The following RPH3A variants were observed in gnomAD, a reference collection of about 807,000 sequenced individuals.
RPH3A encodes rabphilin-3A.
A neutral mutation model predicts 102.2 loss-of-function variants in RPH3A; 48 were observed. The ratio of observed to expected loss-of-function variants is 0.47; its 90% CI spans 0.37 to 0.60. The LOEUF is 0.60. RPH3A is among the 20% of genes least tolerant of loss of function. The pLI is 0.00. For synonymous variants in RPH3A, 310 were observed against 324.3 expected (o/e 0.96, Z 0.47); for missense variants, 781 against 910.1 (o/e 0.86, Z 1.83).
At chr12:112,671,300 A>T (rs1406802445) in intron 1 of RPH3A, among the ~76,000 whole-genome samples, 1 of 152,206 alleles carries the variant, frequency 6.6e-6, no homozygotes, top group Non-Finnish European at 1.5e-5. Context: ...TTAGCGTGGT[A>T]ATTTCCCAAT....
chr12:112,634,765 A>C (rs1041614040), intron 1 of RPH3A, among the ~76,000 whole-genome samples: 1 of 152,170 alleles, frequency 6.6e-6, no homozygotes, highest in East Asian at 1.9e-4. Flanking sequence ...CCTCTTTTCC[A>C]TCTTTTTCAA....
chr12:112,798,764 CT>C (rs1350965871), intron 2 of RPH3A, among the ~76,000 whole-genome samples: 6 of 152,060 alleles, frequency 3.9e-5, no homozygotes, highest in South Asian at 2.1e-4. Flanking sequence ...TTCCCTGCCC[CT>C]GTCTCCTTAC....
intron 2 of RPH3A, among the ~76,000 whole-genome samples, chr12:112,797,503 G>A (rs2041255634): frequency 6.6e-6 from 1 of 152,076 alleles, no homozygotes; most frequent in Non-Finnish European, 1.5e-5. Context: ...ACAGGAGTGT[G>A]ACCTGGATTT....
intron 1 of RPH3A, among the ~76,000 whole-genome samples, chr12:112,609,886 C>T (rs745526726): frequency 2.0e-5 from 3 of 152,208 alleles, no homozygotes; most frequent in Non-Finnish European, 4.4e-5. Flanking sequence ...GAGCAGCTAA[C>T]GTAGCTCCCA....
At chr12:112,836,594 G>A in intron 4 of RPH3A, 92 bp downstream of exon 4, 1 of 501,414 alleles carries the variant, frequency 2.0e-6, no homozygotes, top group Non-Finnish European at 3.2e-6. Context: ...AAAGAGAGAT[G>A]GTTAAAAAAG....
Position 112,642,719 on chromosome 12 carries a change from A to AAAT in RPH3A, c.-140+67416_-140+67418dup, listed in dbSNP as rs376449920. The stretch of plus-strand genomic sequence containing the variant: ...AAATGTTGTTAAGGCAGATGATAGT[A>AAAT]AATAATAATAATAATAATCCACTCA... On this transcript the variant is annotated intron_variant, in intron 1 of 21. Transcript: ENST00000543106. 2.0e-5 allele frequency among the ~76,000 whole-genome samples: 3 copies of AAAT among 152,168 alleles called. No individual in the cohort carries two copies. The South Asian group carries it at 6.2e-4, about 32-fold the overall frequency.
chr12:112,858,236 C>T lies in RPH3A; in HGVS notation c.231-7178C>T, dbSNP rs144470789. On this transcript the variant is annotated intron_variant, in intron 5 of 21. Transcript: ENST00000389385. ...GAGCTATGATCAAGCCACTGCACTCCGGCCTGGGTGACAGAGTCAGACCCT... is the reference window on the plus strand; with the variant it reads ...GAGCTATGATCAAGCCACTGCACTCTGGCCTGGGTGACAGAGTCAGACCCT... 6.3e-4 allele frequency among the ~76,000 whole-genome samples: 88 copies of T among 139,622 alleles called. No individual in the cohort carries two copies. In the East Asian group the frequency reaches 0.015, roughly 24 times the overall value. The allele number at this position is 139,622 out of a possible 152,430, so 91.6% of individuals were successfully genotyped here.
chr12:112,825,879 G>A (rs188035043), intron 2 of RPH3A, among the ~76,000 whole-genome samples: 48 of 152,202 alleles, frequency 3.2e-4, no homozygotes, highest in African/African-American at 1.1e-3. Context: ...ATGGAGAAGC[G>A]GGAGGAGGAA....
At chr12:112,858,311 GA>G (rs1236913152) in intron 5 of RPH3A, among the ~76,000 whole-genome samples, 6 of 98,654 alleles carry the variant, frequency 6.1e-5, no homozygotes, top group African/African-American at 7.3e-5. Flanking sequence ...AAAAGAAAAA[GA>G]AAAAAAAAGG....
intron 2 of RPH3A, among the ~76,000 whole-genome samples, chr12:112,825,416 T>C (rs2041850029): frequency 6.6e-6 from 1 of 152,128 alleles, no homozygotes; most frequent in African/African-American, 2.4e-5. Flanking sequence ...CCTCCCAAGT[T>C]ATCTATTCAG....
At chr12:112,799,733 C>T (rs1301090758) in intron 2 of RPH3A, among the ~76,000 whole-genome samples, 3 of 152,176 alleles carry the variant, frequency 2.0e-5, no homozygotes, top group South Asian at 2.1e-4. Flanking sequence ...GCTAGTTATT[C>T]GCTCATTGGT....
chr12:112,894,430 T>A (rs2043147355), intron 19 of RPH3A, 148 bp from the exon 20 acceptor site: 2 of 716,852 alleles, frequency 2.8e-6, no homozygotes, highest in South Asian at 1.7e-5. Flanking sequence ...ACCAAGCAGA[T>A]GCTCTAATGC....
At chr12:112,804,321 T>G (rs1202978972) in intron 2 of RPH3A, among the ~76,000 whole-genome samples, 1 of 152,176 alleles carries the variant, frequency 6.6e-6, no homozygotes, top group African/African-American at 2.4e-5. Context: ...CTCAGGATCC[T>G]TCCCGGTGGA....
At chr12:112,875,789 C>A in intron 12 of RPH3A, 48 bp downstream of exon 12, 1 of 1,555,680 alleles carries the variant, frequency 6.4e-7, no homozygotes, top group Non-Finnish European at 8.9e-7. Flanking sequence ...CACCTCTCCC[C>A]TACCTCCCTG....
At chr12:112,600,843 T>C (rs886810913) in intron 1 of RPH3A, among the ~76,000 whole-genome samples, 9 of 152,210 alleles carry the variant, frequency 5.9e-5, no homozygotes, top group African/African-American at 9.6e-5. Flanking sequence ...CAAGACTTGA[T>C]AATTTATAAA....
At chr12:112,619,711 CT>C (rs909050521) in intron 1 of RPH3A, among the ~76,000 whole-genome samples, 3 of 151,214 alleles carry the variant, frequency 2.0e-5, no homozygotes, top group Admixed American at 6.6e-5. Flanking sequence ...TTGTTATTGT[CT>C]TTTTTTTTGA....
intron 1 of RPH3A, among the ~76,000 whole-genome samples, chr12:112,720,219 T>C (rs557407524): frequency 1.8e-4 from 28 of 152,238 alleles, no homozygotes; most frequent in Non-Finnish European, 2.8e-4. Flanking sequence ...TGCATGTGTA[T>C]GTGTGTCTTT....
At chr12:112,651,668 A>G (rs188190934) in intron 1 of RPH3A, 9 of 152,344 alleles carry the variant, frequency 5.9e-5, no homozygotes, top group African/African-American at 2.2e-4. Context: ...ACATTGTTCA[A>G]CCATTACTAC....
chr12:112,889,305 G>A (rs1335621738), intron 17 of RPH3A, among the ~76,000 whole-genome samples: 1 of 152,214 alleles, frequency 6.6e-6, no homozygotes, highest in African/African-American at 2.4e-5. Context: ...ACAATGGCCA[G>A]GCCCTTGCCT....
Sources: gnomAD v4.1 joint callset for allele counts (sites outside exome capture counted in the v4.1 genomes callset) on GRCh38, gnomAD v4.1.1 for gene constraint, MANE v1.5 for transcripts, NCBI Gene and HGNC (gene_info 2026-07-23, HGNC 2026-07-21) for gene names.